RAB10: variants seen among roughly 807,000 people sequenced by gnomAD.
RAB10 encodes RAB10, member RAS oncogene family, also known as ras-related protein Rab-10.
Under a neutral mutation model 25.7 loss-of-function variants are expected in RAB10, and 5 were observed. The ratio of observed to expected loss-of-function variants is 0.19; its 90% CI spans 0.10 to 0.41. The LOEUF is 0.41. RAB10 is among the 10% of genes least tolerant of loss of function. The probability of loss-of-function intolerance (pLI) is 1.00; values close to 1 mark genes in which losing one functional copy is unlikely to be tolerated. For missense variants in RAB10, 103 were observed against 245.8 expected, an observed-to-expected ratio of 0.42 and a Z score of 3.89; for synonymous variants, 89 against 86.4, an observed-to-expected ratio of 1.03 and a Z score of -0.16.
intron 3 of RAB10, among the ~76,000 whole-genome samples, chr2:26,122,367 G>C (rs1667822149): frequency 6.6e-6 from 1 of 152,160 alleles, no homozygotes. Flanking sequence ...GGTGGCTCAC[G>C]CCTGTAATCC....
intron 1 of RAB10, among the ~76,000 whole-genome samples, chr2:26,041,912 A>G (rs1258284969): frequency 6.6e-6 from 1 of 152,254 alleles, no homozygotes; most frequent in African/African-American, 2.4e-5. Context: ...CTCAAAAAAA[A>G]AGAAAAGAAA....
At chr2:26,077,470 G>T (rs983051002) in intron 1 of RAB10, among the ~76,000 whole-genome samples, 1 of 152,150 alleles carries the variant, frequency 6.6e-6, no homozygotes. Flanking sequence ...AAAATAATGC[G>T]TAACAAACAA....
intron 5 of RAB10, among the ~76,000 whole-genome samples, chr2:26,132,400 C>T (rs1668027916): frequency 6.6e-6 from 1 of 152,076 alleles, no homozygotes; most frequent in African/African-American, 2.4e-5. Flanking sequence ...ATTACAGGAG[C>T]CCGCCACCAC....
At chr2:26,098,529 C>T in intron 1 of RAB10, 133 bp from the exon 2 acceptor site, 3 of 677,026 alleles carry the variant, frequency 4.4e-6, no homozygotes, top group Non-Finnish European at 7.7e-6. Flanking sequence ...CTCAGTGTTG[C>T]ATACTTGGTG....
At chr2:26,040,815 T>C (rs1379571806) in intron 1 of RAB10, among the ~76,000 whole-genome samples, 1 of 152,198 alleles carries the variant, frequency 6.6e-6, no homozygotes, top group African/African-American at 2.4e-5. Flanking sequence ...GAAATAATTT[T>C]TATAGATTTA....
chr2:26,071,622 A>T (rs905125254), intron 1 of RAB10, among the ~76,000 whole-genome samples: 2 of 151,876 alleles, frequency 1.3e-5, no homozygotes, highest in African/African-American at 4.8e-5. Context: ...TGGGAGGCAG[A>T]GGTTGCGGTG....
chr2:26,085,031 TTTGA>T (rs1666947239), intron 1 of RAB10, among the ~76,000 whole-genome samples: 1 of 152,212 alleles, frequency 6.6e-6, no homozygotes, highest in African/African-American at 2.4e-5. Context: ...TCAATTTAGC[TTTGA>T]TTCTGTCACC....
At chr2:26,085,072 C>T (rs1219429063) in intron 1 of RAB10, among the ~76,000 whole-genome samples, 1 of 152,202 alleles carries the variant, frequency 6.6e-6, no homozygotes, top group African/African-American at 2.4e-5. Flanking sequence ...CAAGGAACTT[C>T]TTCCATCTCA....
chr2:26,113,743 TAA>T (rs56063928), intron 3 of RAB10, among the ~76,000 whole-genome samples: 1,446 of 125,578 alleles, frequency 0.012, 10 homozygotes, highest in African/African-American at 0.029. Context: ...CAGCCAGAGC[TAA>T]AAAAAAAAAA....
chr2:26,133,432 A>AAT (rs1199747194), intron 5 of RAB10, among the ~76,000 whole-genome samples: 8 of 152,186 alleles, frequency 5.3e-5, no homozygotes, highest in African/African-American at 1.9e-4. Flanking sequence ...TAGAAATCAG[A>AAT]ATATTGGGTA....
At chr2:26,049,907 A>G (rs1251402635) in intron 1 of RAB10, among the ~76,000 whole-genome samples, 2 of 152,136 alleles carry the variant, frequency 1.3e-5, no homozygotes, top group African/African-American at 4.8e-5. Flanking sequence ...TCTCAAAATG[A>G]ATTTCCACAT....
chr2:26,054,887 G>A (rs1175489605), intron 1 of RAB10, among the ~76,000 whole-genome samples: 1 of 152,038 alleles, frequency 6.6e-6, no homozygotes, highest in Admixed American at 6.6e-5. Context: ...AGGCTGAGGT[G>A]GGAGGGTTGC....
At chr2:26,061,671 G>A (rs1214884029) in intron 1 of RAB10, among the ~76,000 whole-genome samples, 1 of 151,822 alleles carries the variant, frequency 6.6e-6, no homozygotes, top group Non-Finnish European at 1.5e-5. Flanking sequence ...AATTATAGGT[G>A]TGAGTCATTG....
intron 3 of RAB10, among the ~76,000 whole-genome samples, chr2:26,120,591 T>C (rs1364817948): frequency 1.3e-5 from 2 of 151,260 alleles, no homozygotes; most frequent in Non-Finnish European, 2.9e-5. Context: ...ATAGGGAGTT[T>C]CTTTTTTTTT....
At chr2:26,126,686 C>T (rs918872862) in intron 3 of RAB10, among the ~76,000 whole-genome samples, 2 of 152,158 alleles carry the variant, frequency 1.3e-5, no homozygotes, top group Admixed American at 6.5e-5. Flanking sequence ...CTTAAGGGGA[C>T]AACCACTTGT....
At chr2:26,070,138 T>G (rs1023888704) in intron 1 of RAB10, among the ~76,000 whole-genome samples, 7 of 152,260 alleles carry the variant, frequency 4.6e-5, no homozygotes, top group Non-Finnish European at 8.8e-5. Flanking sequence ...CTAGAGATCC[T>G]TGGACTTGAA....
At chr2:26,062,343 T>C (rs1666417045) in intron 1 of RAB10, among the ~76,000 whole-genome samples, 2 of 152,160 alleles carry the variant, frequency 1.3e-5, no homozygotes. Flanking sequence ...TGCTTTTATT[T>C]GGAAGTGACA....
chr2:26,116,481 T>C (rs942628755), intron 3 of RAB10, among the ~76,000 whole-genome samples: 1 of 151,650 alleles, frequency 6.6e-6, no homozygotes, highest in Non-Finnish European at 1.5e-5. Flanking sequence ...ATAAAGGAAG[T>C]AGGGTCCTGG....
intron 1 of RAB10, among the ~76,000 whole-genome samples, chr2:26,090,502 C>T (rs1389088411): frequency 1.4e-5 from 2 of 143,506 alleles, no homozygotes; most frequent in Admixed American, 6.9e-5. Flanking sequence ...GTTTTCTTGC[C>T]TTTTTTTTTT....
Sources: allele counts gnomAD v4.1 joint callset (sites outside exome capture counted in the v4.1 genomes callset), GRCh38; gene constraint gnomAD v4.1.1; transcripts MANE v1.5; gene names NCBI Gene and HGNC (gene_info 2026-07-23, HGNC 2026-07-21).